Variants in FMN2 observed in about 807,000 individuals in gnomAD.
FMN2 encodes formin-2.
FMN2 carries 51 observed loss-of-function variants against 142.3 expected under a neutral mutation model. That is an observed-to-expected ratio of 0.36 (90% CI 0.29 to 0.45). The LOEUF is 0.45. FMN2 is among the 20% of genes least tolerant of loss of function. FMN2 has a pLI of 1.00. For synonymous variants in FMN2, 882 were observed against 869.8 expected (o/e 1.01, Z -0.25); for missense variants, 1,936 against 2,122.8 (o/e 0.91, Z 1.73).
At chr1:240,137,449 A>C (rs989304932) in intron 2 of FMN2, among the ~76,000 whole-genome samples, 6 of 152,346 alleles carry the variant, frequency 3.9e-5, no homozygotes, top group Non-Finnish European at 2.9e-5. Context: ...TGTATTACAA[A>C]ACAGAGCACC....
chr1:240,277,924 T>C (rs1572147279), intron 7 of FMN2, among the ~76,000 whole-genome samples: 1 of 152,180 alleles, frequency 6.6e-6, no homozygotes, highest in African/African-American at 2.4e-5. Flanking sequence ...CTTAAAAATA[T>C]TGAGTTCGTT....
intron 15 of FMN2, among the ~76,000 whole-genome samples, chr1:240,426,880 A>G (rs1460594135): frequency 1.3e-5 from 2 of 151,968 alleles, no homozygotes; most frequent in Non-Finnish European, 2.9e-5. Context: ...CTGGGATTAC[A>G]GGTGCGCACC....
intron 7 of FMN2, among the ~76,000 whole-genome samples, chr1:240,269,584 G>T (rs1439292815): frequency 1.3e-5 from 2 of 151,966 alleles, no homozygotes; most frequent in East Asian, 3.9e-4. Context: ...TGTGAAGAAT[G>T]ACACTGGAAT....
In FMN2 at chr1:240,171,756, A is replaced by T. The variant is rs574761608; in HGVS notation, c.1783-6165A>T. ...GCTCTGAGTTATTTTAGGTGTTGTT[A>T]TTTATAACCTAGTGAAAAGATGGGG... On this transcript the variant is annotated intron_variant, in intron 2 of 17. Transcript: ENST00000319653. 5.3e-5 allele frequency among the ~76,000 whole-genome samples: 8 copies of T among 152,286 alleles called. No homozygotes were observed. The East Asian group carries it at 7.7e-4, about 15-fold the overall frequency.
chr1:240,403,874 C>T (rs1371038353), intron 15 of FMN2, among the ~76,000 whole-genome samples: 1 of 152,112 alleles, frequency 6.6e-6, no homozygotes, highest in Non-Finnish European at 1.5e-5. Flanking sequence ...CATTCCCTCT[C>T]CTACTTAAAT....
At chr1:240,159,156 C>G (rs1436388390) in intron 2 of FMN2, among the ~76,000 whole-genome samples, 1 of 151,322 alleles carries the variant, frequency 6.6e-6, no homozygotes, top group Non-Finnish European at 1.5e-5. Context: ...TTTGCTTGTC[C>G]AACTGCTACA....
intron 6 of FMN2, among the ~76,000 whole-genome samples, chr1:240,231,834 AT>A (rs1237854154): frequency 6.6e-6 from 1 of 152,212 alleles, no homozygotes; most frequent in Non-Finnish European, 1.5e-5. Context: ...CTCTTGTCAC[AT>A]CTATCCGGTC....
chr1:240,348,633 G>A (rs1343628624), intron 13 of FMN2, among the ~76,000 whole-genome samples: 1 of 151,554 alleles, frequency 6.6e-6, no homozygotes, highest in Non-Finnish European at 1.5e-5. Context: ...GGTACATTCT[G>A]AAAAGAGTCC....
At chr1:240,237,891 G>A in intron 6 of FMN2, among the ~76,000 whole-genome samples, 1 of 152,146 alleles carries the variant, frequency 6.6e-6, no homozygotes, top group East Asian at 1.9e-4. Flanking sequence ...CTAGGCTTGG[G>A]AAAACAAACT....
Position 240,367,601 on chromosome 1 carries a change from T to C in FMN2, c.4858+11693T>C, listed in dbSNP as rs749068957. Among the ~76,000 whole-genome samples the C allele has an allele frequency of 8.6e-5, 13 of 151,682 alleles. No homozygotes were observed. In the East Asian group the frequency reaches 1.2e-3, roughly 14 times the overall value. ...GGCTAACACGGTGAAACCCCATCTC[T>C]ACTAAAAATATAAAAAATAAGCCGG... On this transcript the variant is annotated intron_variant, in intron 14 of 17. Coordinates refer to ENST00000319653, the MANE Select transcript of FMN2 (RefSeq NM_020066.5).
chr1:240,354,870 T>C (rs1672213111), intron 13 of FMN2, among the ~76,000 whole-genome samples: 1 of 152,194 alleles, frequency 6.6e-6, no homozygotes, highest in Non-Finnish European at 1.5e-5. Context: ...TTGTTGTTTT[T>C]TTTTGCATCA....
chr1:240,224,155 C>T (rs1457455657), intron 6 of FMN2, among the ~76,000 whole-genome samples: 1 of 152,126 alleles, frequency 6.6e-6, no homozygotes, highest in Non-Finnish European at 1.5e-5. Context: ...ACTGCTTTAG[C>T]TGTGTCCCAG....
chr1:240,222,947 A>G (rs770862589), intron 6 of FMN2, among the ~76,000 whole-genome samples: 3 of 152,074 alleles, frequency 2.0e-5, no homozygotes, highest in Non-Finnish European at 2.9e-5. Flanking sequence ...AACGGAGACA[A>G]TTTGACTTCC....
At chr1:240,200,522 T>G (rs1371659815) in intron 4 of FMN2, among the ~76,000 whole-genome samples, 1 of 152,144 alleles carries the variant, frequency 6.6e-6, no homozygotes, top group Non-Finnish European at 1.5e-5. Flanking sequence ...CTCAGCTAAA[T>G]TCAGAGCCCC....
chr1:240,294,534 A>G (rs1387457352), intron 7 of FMN2, among the ~76,000 whole-genome samples: 2 of 152,224 alleles, frequency 1.3e-5, no homozygotes, highest in African/African-American at 4.8e-5. Flanking sequence ...AGATTTTTCA[A>G]ATTCATTCAG....
intron 6 of FMN2, among the ~76,000 whole-genome samples, chr1:240,252,883 C>T (rs1269883448): frequency 1.3e-5 from 2 of 148,870 alleles, no homozygotes; most frequent in Non-Finnish European, 3.0e-5. Context: ...TATTCTTCAT[C>T]TTCTGGGACA....
intron 12 of FMN2, 29 bp from the exon 13 acceptor site, chr1:240,334,080 T>A: frequency 6.3e-7 from 1 of 1,576,746 alleles, no homozygotes; most frequent in South Asian, 1.2e-5. Context: ...CCAATTTCTT[T>A]AAATATGATG....
At chr1:240,182,333 ATGTGAATGGC>A (rs1665187533) in intron 3 of FMN2, among the ~76,000 whole-genome samples, 1 of 152,192 alleles carries the variant, frequency 6.6e-6, no homozygotes, top group African/African-American at 2.4e-5. Context: ...TTCTTTGAAA[ATGTGAATGGC>A]TGAGAGGAAA....
At chr1:240,397,747 A>G (rs1366505326) in intron 15 of FMN2, among the ~76,000 whole-genome samples, 1 of 136,286 alleles carries the variant, frequency 7.3e-6, no homozygotes, top group African/African-American at 2.7e-5. Flanking sequence ...CCAAGATCGC[A>G]CTGCTGCACT....
Sources: gnomAD v4.1 joint callset for allele counts (sites outside exome capture counted in the v4.1 genomes callset) on GRCh38, gnomAD v4.1.1 for gene constraint, MANE v1.5 for transcripts, NCBI Gene and HGNC (gene_info 2026-07-23, HGNC 2026-07-21) for gene names.